The following SF3B1 variants were observed in gnomAD, a reference collection of about 807,000 sequenced individuals.
SF3B1 encodes the protein pre-mRNA processing 10.
A neutral mutation model predicts 153.8 loss-of-function variants in SF3B1; 12 were observed. That is an observed-to-expected ratio of 0.08 (90% CI 0.05 to 0.13). The LOEUF is 0.13. SF3B1 is among the 10% of genes least tolerant of loss of function. The probability of loss-of-function intolerance (pLI) is 1.00; values close to 1 mark genes in which losing one functional copy is unlikely to be tolerated. For missense variants in SF3B1, 513 were observed against 1,606.1 expected (o/e 0.32, Z 11.63); for synonymous variants, 498 against 525.2 (o/e 0.95, Z 0.71).
chr2:197,429,687 G>A (rs139351280), intron 1 of SF3B1, among the ~76,000 whole-genome samples: 1,583 of 152,128 alleles, frequency 0.01, 20 homozygotes, highest in African/African-American at 0.036. Context: ...GGGAGGCTGA[G>A]GCAGAAGTAT....
At chr2:197,432,061 G>A (rs929171140) in intron 1 of SF3B1, among the ~76,000 whole-genome samples, 21 of 152,144 alleles carry the variant, frequency 1.4e-4, no homozygotes, top group Admixed American at 3.3e-4. Context: ...GCAGTTGTAG[G>A]TTAAGTGAGC....
At chr2:197,397,393 C>A (rs1476509634) in intron 22 of SF3B1, among the ~76,000 whole-genome samples, 2 of 152,162 alleles carry the variant, frequency 1.3e-5, no homozygotes, top group Non-Finnish European at 2.9e-5. Context: ...TCCTAGAAGA[C>A]CAGCACACAT....
At position 197,401,317 on chromosome 2, in the gene SF3B1, A is replaced by C; in HGVS notation, c.2496+83T>G. 1 of 1,283,434 alleles carries C rather than the reference A, an allele frequency of 7.8e-7. No homozygotes were observed. Among genetic ancestry groups the C allele is most frequent in the Non-Finnish European group, 1.1e-6 (1 of 921,440 alleles). The allele number at this position is 1,283,434 out of a possible 1,614,324, so 79.5% of individuals were successfully genotyped here. A position where few individuals can be genotyped will look rare whatever the true frequency, so the allele number is the denominator to read the frequency against. ...AAACTGTGAGATAATCAAGGCAAAA[A>C]ATAATATACAACATGCATTCAAGTT... On this transcript the variant is annotated intron_variant, in intron 17 of 24. Transcript: ENST00000335508. This position sits in a 1 kb window ranked among gnomAD's most constrained non-coding sequence, Gnocchi z 4.2.
chr2:197,433,578 T>A (rs552454742), intron 1 of SF3B1, among the ~76,000 whole-genome samples: 1 of 152,212 alleles, frequency 6.6e-6, no homozygotes, highest in Admixed American at 6.5e-5. Context: ...AGCATTTAAA[T>A]CCTAAATACC....
At chr2:197,395,204 C>A (rs930011098) in intron 23 of SF3B1, among the ~76,000 whole-genome samples, 4 of 152,190 alleles carry the variant, frequency 2.6e-5, no homozygotes, top group African/African-American at 9.6e-5. Context: ...GCACTTCTCA[C>A]TAAGGAATAC....
chr2:197,425,859 G>A (rs1389754392), intron 1 of SF3B1, among the ~76,000 whole-genome samples: 1 of 151,930 alleles, frequency 6.6e-6, no homozygotes, highest in East Asian at 1.9e-4. Context: ...AATTAGCCAG[G>A]TATGGTGGCA....
chr2:197,411,365 A>G (rs149109610), intron 6 of SF3B1, among the ~76,000 whole-genome samples: 67 of 152,294 alleles, frequency 4.4e-4, no homozygotes, highest in Non-Finnish European at 4.7e-4. Flanking sequence ...TGTACTTTAT[A>G]TATTTGTTTT....
intron 23 of SF3B1, among the ~76,000 whole-genome samples, chr2:197,395,318 G>A (rs752053181): frequency 5.9e-5 from 9 of 152,118 alleles, no homozygotes; most frequent in Non-Finnish European, 1.2e-4. Flanking sequence ...ATACGTTCTG[G>A]TAACTTGTCG....
intron 2 of SF3B1, 75 bp from the exon 3 acceptor site, chr2:197,421,208 C>T: frequency 1.0e-6 from 1 of 955,592 alleles, no homozygotes; most frequent in Non-Finnish European, 1.7e-6. Flanking sequence ...TGCAAAGATT[C>T]AAAATGAAAT....
chr2:197,423,852 A>G lies in SF3B1; in HGVS notation c.151T>C (p.Phe51Leu). The change falls in exon 2 of 25, where the codon TTT (phenylalanine) becomes CTT (leucine). Residue 51 changes from phenylalanine (F) to leucine (L), a missense_variant. Physicochemically the swap from Phe to Leu is conservative, Grantham distance 22. This residue lies in a region of SF3B1 where 14 missense variants were observed against 54.8 expected (regional missense o/e 0.26). Coordinates refer to ENST00000335508, the MANE Select transcript of SF3B1 (RefSeq NM_012433.4). ...GCAATTGATGTCACGTATCCAGCAA[A>G]TCTGCTGTCACTTCCACCATAAATT... ...QEIYGGSDSR[F>L]AGYVTSIAAT... The G allele has an allele frequency of 6.2e-7, 1 of 1,613,950 alleles. No individual in the cohort carries two copies. The highest frequency in any genetic ancestry group is 8.5e-7 in the Non-Finnish European group (1 of 1,179,988).
chr2:197,426,446 C>T (rs1227035035), intron 1 of SF3B1, among the ~76,000 whole-genome samples: 1 of 152,072 alleles, frequency 6.6e-6, no homozygotes, highest in African/African-American at 2.4e-5. Flanking sequence ...TAGATGCCCA[C>T]CACCACGCCC....
In SF3B1 at chr2:197,400,443, T is replaced by C. The variant is rs753608933; in HGVS notation, c.2719-9A>G. 71 of 1,576,646 alleles carry C rather than the reference T, an allele frequency of 4.5e-5. 1 individual carries two copies. Among genetic ancestry groups the C allele is most frequent in the Non-Finnish European group, 5.2e-5 (61 of 1,165,124 alleles). ...TTCAACATTACTGAGTCCTAAAAAA[T>C]AAATTTAAAAAAAAGACATATTCAT... On this transcript the variant is annotated splice_polypyrimidine_tract_variant and intron_variant, in intron 18 of 24. Coordinates refer to ENST00000335508, the MANE Select transcript of SF3B1 (RefSeq NM_012433.4). This position sits in a 1 kb window ranked among gnomAD's most constrained non-coding sequence, Gnocchi z 5.0.
chr2:197,418,264 A>AAAAAAAAAAAAAC (rs2085186178), intron 5 of SF3B1, among the ~76,000 whole-genome samples: 2 of 144,118 alleles, frequency 1.4e-5, no homozygotes, highest in Non-Finnish European at 3.0e-5. Flanking sequence ...AAAAAAAAAA[A>AAAAAAAAAAAAAC]TCCCTTGTGA....
In SF3B1 at chr2:197,400,201, T is replaced by A; in HGVS notation, c.2902-35A>T. On this transcript the variant is annotated intron_variant, in intron 19 of 24. Transcript: ENST00000335508. This position sits in a 1 kb window ranked among gnomAD's most constrained non-coding sequence, Gnocchi z 5.0. ...AACAAATAATGTTAAAATGTTACTA[T>A]TTACATTAAACTATTTGGGGAAGAA... 1 of 1,609,328 alleles carries A rather than the reference T, an allele frequency of 6.2e-7. No homozygotes were observed. The highest frequency in any genetic ancestry group is 8.5e-7 in the Non-Finnish European group (1 of 1,175,984).
chr2:197,419,591 GT>G (rs2085208261), intron 4 of SF3B1: 1 of 224,154 alleles, frequency 4.5e-6, no homozygotes, highest in African/African-American at 2.2e-5. Context: ...TAGAGAGGAT[GT>G]GTTGAACTGC....
Position 197,434,988 on chromosome 2 carries a change from G to T in SF3B1, c.12C>A (p.Ile4=). The T allele has an allele frequency of 6.2e-7, 1 of 1,614,256 alleles. No individual in the cohort carries two copies. Among genetic ancestry groups the T allele is most frequent in the East Asian group, 2.2e-5 (1 of 44,892 alleles). The part of the protein sequence containing the change: MAK[I]AKTHEDIEAQ... ...ACCGCTTACCTTCGTGAGTCTTGGC[G>T]ATCTTCGCCATTTTGTCCACTCGAA... Residue 4 remains isoleucine, a synonymous_variant, in exon 1 of 25, where the codon ATC becomes ATA. Transcript: ENST00000335508.
At position 197,401,539 on chromosome 2, in the gene SF3B1, AAATAGT is replaced by A. The variant is rs762120535; in HGVS notation, c.2371-20_2371-15del. On this transcript the variant is annotated splice_polypyrimidine_tract_variant and intron_variant, in intron 16 of 24. Coordinates refer to ENST00000335508, the MANE Select transcript of SF3B1 (RefSeq NM_012433.4). This position sits in a 1 kb window ranked among gnomAD's most constrained non-coding sequence, Gnocchi z 4.2. ...CTGTTTTACCACCTAAAAGGTTAAGAAATAGTAATAATAAATCAACTGACCTGAAAT... is the reference window on the plus strand; with the variant it reads ...CTGTTTTACCACCTAAAAGGTTAAGAAATAATAAATCAACTGACCTGAAAT... 1 of 1,604,388 alleles carries A rather than the reference AAATAGT, an allele frequency of 6.2e-7. No homozygotes were observed. The highest frequency in any genetic ancestry group is 8.5e-7 in the Non-Finnish European group (1 of 1,175,094).
chr2:197,412,679 A>G (rs2085088373), intron 6 of SF3B1, among the ~76,000 whole-genome samples: 1 of 151,458 alleles, frequency 6.6e-6, no homozygotes, highest in Non-Finnish European at 1.5e-5. Context: ...TTTTATAAGA[A>G]AGATATCAGC....
chr2:197,427,743 G>C (rs1003576938), intron 1 of SF3B1, among the ~76,000 whole-genome samples: 1 of 152,106 alleles, frequency 6.6e-6, no homozygotes, highest in African/African-American at 2.4e-5. Context: ...AATCTGGGCC[G>C]GGCATGGTGG....
Sources: allele counts gnomAD v4.1 joint callset (sites outside exome capture counted in the v4.1 genomes callset), GRCh38; gene constraint gnomAD v4.1.1; regional missense constraint gnomAD v4.1.1; non-coding constraint Gnocchi (gnomAD v3.1); transcripts MANE v1.5; gene names NCBI Gene and HGNC (gene_info 2026-07-23, HGNC 2026-07-21).